Variants in RANBP2 observed in about 807,000 individuals in gnomAD.
The protein encoded by RANBP2 is E3 SUMO-protein ligase RanBP2.
RANBP2 carries 57 observed loss-of-function variants against 303.6 expected under a neutral mutation model. The ratio of observed to expected loss-of-function variants is 0.19; its 90% confidence interval spans 0.15 to 0.23. The LOEUF (loss-of-function observed/expected upper bound fraction) is 0.23. Ranked by LOEUF, RANBP2 falls within the 10% of genes least tolerant of loss-of-function variation. The pLI is 1.00. For synonymous variants in RANBP2, 1,167 were observed against 1,301.5 expected (o/e 0.90, Z 2.23); for missense variants, 3,138 against 3,780.8 (o/e 0.83, Z 4.46).
chr2:109,116,758 G>T, the RANBP2 span, among the ~76,000 whole-genome samples: 49 of 152,260 alleles, frequency 3.2e-4, 1 homozygote, highest in East Asian at 8.7e-3. Flanking sequence ...CCATCTTTGT[G>T]GTTTTATCTA....
the RANBP2 span, among the ~76,000 whole-genome samples, chr2:109,163,542 G>A: frequency 6.7e-6 from 1 of 149,910 alleles, no homozygotes; most frequent in East Asian, 2.0e-4. Context: ...GGGACTACAG[G>A]CGCCCGCCAC....
the RANBP2 span, among the ~76,000 whole-genome samples, chr2:109,778,850 C>T: frequency 4.1e-5 from 5 of 121,478 alleles, no homozygotes; most frequent in Middle Eastern, 0.016. Flanking sequence ...CCACCACACC[C>T]AGCTAATTTT....
At chr2:109,489,777 A>T in the RANBP2 span, among the ~76,000 whole-genome samples, 53 of 151,854 alleles carry the variant, frequency 3.5e-4, no homozygotes, top group African/African-American at 1.1e-3. Flanking sequence ...TCGCTCTGTC[A>T]CCCAGGCTGG....
At chr2:109,652,458 T>C in the RANBP2 span, among the ~76,000 whole-genome samples, 46 of 152,246 alleles carry the variant, frequency 3.0e-4, no homozygotes, top group Admixed American at 2.1e-3. Context: ...ATCTCCTGAC[T>C]TCGTGATCCG....
At chr2:108,791,948 G>A in the RANBP2 span, 1 of 809,106 alleles carries the variant, frequency 1.2e-6, no homozygotes, top group Non-Finnish European at 1.8e-6. Flanking sequence ...GATAGTTACT[G>A]TGCTTATTAT....
the RANBP2 span, chr2:109,432,420 C>A: frequency 6.4e-7 from 1 of 1,553,922 alleles, no homozygotes; most frequent in Non-Finnish European, 8.7e-7. Flanking sequence ...CCTCCAAAGA[C>A]AACCTCCCCC....
At chr2:109,543,983 T>C in the RANBP2 span, 1 of 633,886 alleles carries the variant, frequency 1.6e-6, no homozygotes, top group Middle Eastern at 4.3e-4. Flanking sequence ...ACAAAATCTG[T>C]TTAAACTGAA....
the RANBP2 span, among the ~76,000 whole-genome samples, chr2:109,210,226 T>C: frequency 6.6e-6 from 1 of 152,262 alleles, no homozygotes; most frequent in East Asian, 1.9e-4. Context: ...TTTGGGTGTT[T>C]CTGCCTTTTG....
the RANBP2 span, among the ~76,000 whole-genome samples, chr2:109,064,878 G>T: frequency 6.6e-6 from 1 of 152,246 alleles, no homozygotes; most frequent in East Asian, 1.9e-4. Context: ...ACATAGACAA[G>T]ATGCTTTAGA....
the RANBP2 span, among the ~76,000 whole-genome samples, chr2:108,875,063 T>C: frequency 6.6e-6 from 1 of 152,122 alleles, no homozygotes; most frequent in East Asian, 1.9e-4. Context: ...CTGGGAATAG[T>C]TGATGCTCAA....
At chr2:108,971,446 G>T in the RANBP2 span, among the ~76,000 whole-genome samples, 29,338 of 151,918 alleles carry the variant, frequency 0.19, 4,414 homozygotes, top group East Asian at 0.84. Context: ...ACTCCAGAAG[G>T]AGGACTCTCA....
chr2:108,876,296 A>C, the RANBP2 span: 4 of 1,093,948 alleles, frequency 3.7e-6, no homozygotes, highest in Non-Finnish European at 5.1e-6. Context: ...GCTTATTTAT[A>C]AACATGTAGA....
At chr2:108,836,676 A>G in the RANBP2 span, among the ~76,000 whole-genome samples, 1 of 152,150 alleles carries the variant, frequency 6.6e-6, no homozygotes, top group African/African-American at 2.4e-5. Flanking sequence ...TGATAATACC[A>G]TGTTTTCTAA....
chr2:109,354,029 G>A, the RANBP2 span, among the ~76,000 whole-genome samples: 1,143 of 152,336 alleles, frequency 7.5e-3, 17 homozygotes, highest in African/African-American at 0.026. Context: ...GGGCCAGCCC[G>A]CTAGGTGGGG....
chr2:109,314,938 A>G, the RANBP2 span, among the ~76,000 whole-genome samples: 1 of 152,182 alleles, frequency 6.6e-6, no homozygotes, highest in African/African-American at 2.4e-5. Context: ...TCCCCGTATG[A>G]ATCTCATTCT....
chr2:109,000,218 C>T, the RANBP2 span, among the ~76,000 whole-genome samples: 1 of 152,088 alleles, frequency 6.6e-6, no homozygotes, highest in Non-Finnish European at 1.5e-5. Flanking sequence ...ACTCAAGAGC[C>T]ACAGGAGAAA....
chr2:109,491,000 C>T, the RANBP2 span: 2 of 1,365,898 alleles, frequency 1.5e-6, no homozygotes, highest in South Asian at 1.8e-5. Flanking sequence ...TCTGGAGCCA[C>T]CTTCGGGGAG....
chr2:109,383,152 T>C, the RANBP2 span, among the ~76,000 whole-genome samples: 7 of 152,254 alleles, frequency 4.6e-5, no homozygotes, highest in Non-Finnish European at 8.8e-5. Context: ...TTTTCAGGCA[T>C]GGAAGTGAAA....
rs1370048701 is a variant in RANBP2, at chr2:108,784,713, A to C, written c.*812A>C. The C allele has an allele frequency of 6.6e-6, 1 of 152,632 alleles. No homozygotes were observed. Among genetic ancestry groups the C allele is most frequent in the Admixed American group, 6.5e-5 (1 of 15,282 alleles). 9.5% of individuals were successfully genotyped at this position (152,632 alleles called of 1,614,324 possible). Reference sequence around the variant, plus strand: ...AGTCTATACCATGTTCTTTCGTTAAAGATTTGCTTTATACAAGATTGTTGC... The same window carrying C: ...AGTCTATACCATGTTCTTTCGTTAACGATTTGCTTTATACAAGATTGTTGC... On this transcript the variant is annotated 3_prime_UTR_variant, in exon 29 of 29. Transcript: ENST00000283195.
Sources: allele counts gnomAD v4.1 joint callset (sites outside exome capture counted in the v4.1 genomes callset), GRCh38; gene constraint gnomAD v4.1.1; transcripts MANE v1.5; gene names NCBI Gene and HGNC (gene_info 2026-07-23, HGNC 2026-07-21).